Variants in TRIM45 observed in about 807,000 individuals in gnomAD.
TRIM45 encodes tripartite motif containing 45.
Under a neutral mutation model 46.7 loss-of-function variants are expected in TRIM45, and 45 were observed. The ratio of observed to expected loss-of-function variants is 0.96; its 90% CI spans 0.76 to 1.24. The LOEUF (loss-of-function observed/expected upper bound fraction) is 1.24. Among genes scored for constraint, TRIM45 ranks in the 50% most tolerant of loss-of-function variants. TRIM45 has a pLI of 0.00. For synonymous variants in TRIM45, 259 were observed against 285.8 expected (o/e 0.91, Z 0.94); for missense variants, 680 against 728.4 (o/e 0.93, Z 0.77).
At position 117,115,789 on chromosome 1, in the gene TRIM45, A is replaced by G. The variant is rs1650378643; in HGVS notation, c.1353-100T>C. 1.4e-6 allele frequency: 1 copy of G among 735,640 alleles called. No homozygotes were observed. The highest frequency in any genetic ancestry group is 2.6e-5 in the East Asian group (1 of 38,260). The allele number at this position is 735,640 out of a possible 1,614,324, so 45.6% of individuals were successfully genotyped here. A position where few individuals can be genotyped will look rare whatever the true frequency, so the allele number is the denominator to read the frequency against. ...ACTCTACACCATCCCATTCAGTATT[A>G]ATGTTAAATATACCCAAACAGGATG... On this transcript the variant is annotated intron_variant, in intron 3 of 5. Transcript: ENST00000256649. The surrounding 1 kb of genome is among the most constrained non-coding windows in gnomAD (Gnocchi z 4.2).
chr1:117,120,880 C>T lies in TRIM45; in HGVS notation c.322G>A (p.Val108Met), dbSNP rs761893523. The part of the protein sequence containing the change: ...DAQVDLPMGG[V>M]KALTIDHLAV... ...AGGTGGTCTATGGTTAAAGCCTTCA[C>T]TCCACCCATGGGCAGGTCCACCTGA... Residue 108 changes from valine (V) to methionine (M), a missense_variant, in exon 1 of 6, where the codon GTG becomes ATG. Coordinates refer to ENST00000256649, the MANE Select transcript of TRIM45 (RefSeq NM_025188.4). The T allele has an allele frequency of 1.7e-5, 28 of 1,614,104 alleles. No homozygotes were observed. The highest frequency in any genetic ancestry group is 6.7e-5 in the Admixed American group (4 of 60,010).
At position 117,112,016 on chromosome 1, in the gene TRIM45, G is replaced by T. The variant is rs12118664; in HGVS notation, c.*289C>A. 0.35 allele frequency: 87,526 copies of T among 250,978 alleles called. 16,490 individuals are homozygous for T. The highest frequency in any genetic ancestry group is 0.43 in the African/African-American group (19,025 of 44,622). The allele number at this position is 250,978 out of a possible 1,614,324, so 15.5% of individuals were successfully genotyped here. A position where few individuals can be genotyped will look rare whatever the true frequency, so the allele number is the denominator to read the frequency against. On this transcript the variant is annotated 3_prime_UTR_variant, in exon 6 of 6. Transcript: ENST00000256649. ...AACTAAACTACCTAGACCCTTCAGT[G>T]CCAATGGAATAGATACCTCCATACT... is the stretch of plus-strand genomic sequence containing the variant.
chr1:117,112,535 T>C lies in TRIM45; in HGVS notation c.1595-82A>G, dbSNP rs1230274971. 5 of 1,320,088 alleles carry C rather than the reference T, an allele frequency of 3.8e-6. No homozygotes were observed. In the Admixed American group the frequency reaches 1.2e-4, roughly 32 times the overall value. The allele number at this position is 1,320,088 out of a possible 1,614,324, so 81.8% of individuals were successfully genotyped here. ...TTACCATTATCATGGAAATTAGACCTCCTGGCAACATGCAGATTCATGGGA... is the reference window on the plus strand; with the variant it reads ...TTACCATTATCATGGAAATTAGACCCCCTGGCAACATGCAGATTCATGGGA... On this transcript the variant is annotated intron_variant, in intron 5 of 5. Transcript: ENST00000256649.
intron 4 of TRIM45, among the ~76,000 whole-genome samples, chr1:117,114,359 C>T (rs1303295652): frequency 2.0e-5 from 3 of 152,196 alleles, no homozygotes; most frequent in African/African-American, 4.8e-5. Context: ...TGTCACCAGG[C>T]GGGAGTGCAC....
At chr1:117,114,054 T>C (rs1650314839) in intron 4 of TRIM45, among the ~76,000 whole-genome samples, 1 of 152,214 alleles carries the variant, frequency 6.6e-6, no homozygotes, top group African/African-American at 2.4e-5. Context: ...ACCACAAAGA[T>C]AGGACATTCT....
rs1235772205 is a variant in TRIM45, at chr1:117,120,954, G to T, written c.248C>A (p.Pro83Gln). 2 of 1,614,188 alleles carry T rather than the reference G, an allele frequency of 1.2e-6. No individual in the cohort carries two copies. The highest frequency in any genetic ancestry group is 1.1e-5 in the South Asian group (1 of 91,090). The part of the protein sequence containing the change: ...SEGSIFQELK[P>Q]RSLQSQIGIL... ...GCCGATCTGCGACTGCAGACTTCGT[G>T]GCTTGAGTTCCTGGAATATTGACCC... Residue 83 changes from proline (P) to glutamine (Q), a missense_variant, in exon 1 of 6, where the codon CCA becomes CAA. Pro to Gln is a moderately conservative substitution (Grantham distance 76). Coordinates refer to ENST00000256649, the MANE Select transcript of TRIM45 (RefSeq NM_025188.4).
rs1171535733 is a variant in TRIM45 at position 117,115,041 on chromosome 1, AC to A, written c.1467+533del. On this transcript the variant is annotated intron_variant, in intron 4 of 5. Coordinates refer to ENST00000256649, the MANE Select transcript of TRIM45 (RefSeq NM_025188.4). This position sits in a 1 kb window ranked among gnomAD's most constrained non-coding sequence, Gnocchi z 4.2. The stretch of plus-strand genomic sequence containing the variant: ...ATACTTGTTTGTAGAAACCATGGTA[AC>A]GTAACTTGTTTGGTATATTTGTTTG... Among the ~76,000 whole-genome samples, 1 of 152,192 alleles carries A rather than the reference AC, an allele frequency of 6.6e-6. No individual in the cohort carries two copies. Among genetic ancestry groups the A allele is most frequent in the African/African-American group, 2.4e-5 (1 of 41,422 alleles).
chr1:117,112,414 G>A lies in TRIM45; in HGVS notation c.1634C>T (p.Pro545Leu), dbSNP rs1188663990. Reference sequence around the variant, plus strand: ...ACAGCATGACCAGTGGGGATGACCTGGGTGGCCTTTGTGTCCATGGCCACA... The same window carrying A: ...ACAGCATGACCAGTGGGGATGACCTAGGTGGCCTTTGTGTCCATGGCCACA... Reference protein sequence around the residue: ...LGCGHGHKGHPGHPHWSCCGK... With the variant: ...LGCGHGHKGHLGHPHWSCCGK... Residue 545 changes from proline to leucine, a missense_variant, in exon 6 of 6, where the codon CCA becomes CTA. Pro to Leu is a moderately conservative substitution (Grantham distance 98, BLOSUM62 -3). Transcript: ENST00000256649. The A allele has an allele frequency of 6.2e-7, 1 of 1,613,838 alleles. No homozygotes were observed. The highest frequency in any genetic ancestry group is 2.2e-5 in the East Asian group (1 of 44,884).
upstream of TRIM45, chr1:117,122,010 C>G (rs1650666039): frequency 1.1e-5 from 6 of 553,538 alleles, no homozygotes; most frequent in Non-Finnish European, 2.0e-5. Context: ...ATAGTGTAGT[C>G]AGCGTCACCG....
intron 1 of TRIM45, among the ~76,000 whole-genome samples, chr1:117,119,150 C>A (rs1650524358): frequency 6.6e-6 from 1 of 152,202 alleles, no homozygotes; most frequent in Admixed American, 6.5e-5. Context: ...GAAACAGAAA[C>A]CATGCCAGAT....
At position 117,121,737 on chromosome 1, in the gene TRIM45, C is replaced by A. The variant is rs1650647030; in HGVS notation, c.-536G>T. On this transcript the variant is annotated 5_prime_UTR_variant, in exon 1 of 6. Coordinates refer to ENST00000256649, the MANE Select transcript of TRIM45 (RefSeq NM_025188.4). The surrounding 1 kb of genome is among the most constrained non-coding windows in gnomAD (Gnocchi z 4.2). ...CTCCCGCGCCTCGGCCCGGGACGCC[C>A]GCGGGCTCTGGCCCCTCCTCACACC... is the stretch of plus-strand genomic sequence containing the variant. 2 of 622,360 alleles carry A rather than the reference C, an allele frequency of 3.2e-6. No individual in the cohort carries two copies. The highest frequency in any genetic ancestry group is 5.7e-5 in the Admixed American group (2 of 35,030). The allele number at this position is 622,360 out of a possible 1,614,324, so 38.6% of individuals were successfully genotyped here.
chr1:117,116,863 C>G lies in TRIM45; in HGVS notation c.1223-118G>C. On this transcript the variant is annotated intron_variant, in intron 2 of 5. Coordinates refer to ENST00000256649, the MANE Select transcript of TRIM45 (RefSeq NM_025188.4). This position sits in a 1 kb window ranked among gnomAD's most constrained non-coding sequence, Gnocchi z 4.6. ...ACTTTACTGTAACCACCCTGGGTCC[C>G]TTTGTTTTCTCTTCCCCTTCTGCCT... 7.1e-7 allele frequency: 1 copy of G among 1,398,860 alleles called. No homozygotes were observed. Among genetic ancestry groups the G allele is most frequent in the East Asian group, 2.4e-5 (1 of 41,250 alleles). The allele number at this position is 1,398,860 out of a possible 1,614,324, so 86.7% of individuals were successfully genotyped here.
At chr1:117,122,385 G>A (rs1046710201), upstream of TRIM45, 1 of 152,368 alleles carries the variant, frequency 6.6e-6, no homozygotes, top group South Asian at 2.1e-4. Flanking sequence ...ATTTTTCGGG[G>A]GTGAGGGCAT....
At position 117,112,532 on chromosome 1, in the gene TRIM45, ACCT is replaced by A. The variant is rs1282187480; in HGVS notation, c.1595-82_1595-80del. The A allele has an allele frequency of 5.2e-6, 7 of 1,341,492 alleles. No individual in the cohort carries two copies. In the East Asian group the frequency reaches 1.0e-4, roughly 19 times the overall value. 83.1% of individuals were successfully genotyped at this position (1,341,492 alleles called of 1,614,324 possible). On this transcript the variant is annotated intron_variant, in intron 5 of 5. Transcript: ENST00000256649. Reference sequence around the variant, plus strand: ...CAGTTACCATTATCATGGAAATTAGACCTCCTGGCAACATGCAGATTCATGGGA... The same window carrying A: ...CAGTTACCATTATCATGGAAATTAGACCTGGCAACATGCAGATTCATGGGA...
intron 1 of TRIM45, 114 bp downstream of exon 1, chr1:117,120,600 C>T (rs896656933): frequency 6.9e-7 from 1 of 1,444,580 alleles, no homozygotes; most frequent in South Asian, 1.4e-5. Context: ...TGCTCTTTGA[C>T]CTTCCACGGT....
rs1011187286 is a variant in TRIM45, at chr1:117,116,231, A to G, written c.1352+385T>C. On this transcript the variant is annotated intron_variant, in intron 3 of 5. Transcript: ENST00000256649. The surrounding 1 kb of genome is among the most constrained non-coding windows in gnomAD (Gnocchi z 4.6). ...AGACGTAACTAGTGAGTTACACTCC[A>G]ATATCTTTTTTTTTTTTTTGGACCT... Among the ~76,000 whole-genome samples the G allele has an allele frequency of 2.6e-5, 4 of 151,634 alleles. No individual in the cohort carries two copies. In the South Asian group the frequency reaches 8.4e-4, roughly 32 times the overall value.
rs150218139 is a variant in TRIM45, at chr1:117,116,687, G to A, written c.1281C>T (p.Ala427=). 1.9e-5 allele frequency: 31 copies of A among 1,613,880 alleles called. No homozygotes were observed. The East Asian group carries it at 3.6e-4, about 19-fold the overall frequency. ...TASFTLLCKD[A]AGEIMGRGGD... ...CTCCCCTGCCCATGATTTCTCCTGC[G>A]GCATCCTTACAAAGCAGGGTGAAAG... is the stretch of plus-strand genomic sequence containing the variant. Residue 427 remains alanine (A), a synonymous_variant, in exon 3 of 6, where the codon GCC becomes GCT. Coordinates refer to ENST00000256649, the MANE Select transcript of TRIM45 (RefSeq NM_025188.4). The surrounding 1 kb of genome is among the most constrained non-coding windows in gnomAD (Gnocchi z 4.6).
At position 117,113,255 on chromosome 1, in the gene TRIM45, C is replaced by T. The variant is rs1197989831; in HGVS notation, c.1594+104G>A. ...AATCACAGACTGTGCTTCCTAGAAACAGAGCCTAAGTCCAAATGTCTAGTG... is the reference window on the plus strand; with the variant it reads ...AATCACAGACTGTGCTTCCTAGAAATAGAGCCTAAGTCCAAATGTCTAGTG... On this transcript the variant is annotated intron_variant, in intron 5 of 5. Coordinates refer to ENST00000256649, the MANE Select transcript of TRIM45 (RefSeq NM_025188.4). This position sits in a 1 kb window ranked among gnomAD's most constrained non-coding sequence, Gnocchi z 4.0. 1.3e-6 allele frequency: 2 copies of T among 1,485,846 alleles called. No homozygotes were observed. Among genetic ancestry groups the T allele is most frequent in the Non-Finnish European group, 1.8e-6 (2 of 1,098,892 alleles). 92.0% of individuals were successfully genotyped at this position (1,485,846 alleles called of 1,614,324 possible).
chr1:117,116,805 A>G lies in TRIM45; in HGVS notation c.1223-60T>C, dbSNP rs544096514. On this transcript the variant is annotated intron_variant, in intron 2 of 5. Transcript: ENST00000256649. This position sits in a 1 kb window ranked among gnomAD's most constrained non-coding sequence, Gnocchi z 4.6. ...TGTAAACTGCAGTGACTACATCTCC[A>G]TCTTGCTTTTTCTCTTCAGAACAAA... The G allele has an allele frequency of 1.1e-4, 184 of 1,603,954 alleles. No individual in the cohort carries two copies. In the African/African-American group the frequency reaches 2.1e-3, roughly 18 times the overall value.
Sources: allele counts gnomAD v4.1 joint callset (sites outside exome capture counted in the v4.1 genomes callset), GRCh38; gene constraint gnomAD v4.1.1; non-coding constraint Gnocchi (gnomAD v3.1); transcripts MANE v1.5; gene names NCBI Gene and HGNC (gene_info 2026-07-23, HGNC 2026-07-21).